Variants in SIX3 observed in about 807,000 individuals in gnomAD.
SIX3 encodes the protein SIX homeobox 3.
A neutral mutation model predicts 21.7 loss-of-function variants in SIX3; 2 were observed. The ratio of observed to expected loss-of-function variants is 0.09; its 90% CI spans 0.04 to 0.29. The LOEUF (loss-of-function observed/expected upper bound fraction) is 0.29, where lower values mean the gene tolerates loss of function less well. Among genes scored for constraint, SIX3 ranks in the 10% least tolerant of loss-of-function variants. The pLI is 1.00. For synonymous variants in SIX3, 243 were observed against 220.6 expected (o/e 1.10, Z -0.90); for missense variants, 347 against 480.7 (o/e 0.72, Z 2.60).
Position 44,944,826 on chromosome 2 carries a change from C to T in SIX3, c.*66C>T. ...CCACTCCTTCCCCTCCGCCTCCTAGCCCTCCTCCTCTTCCTCCTCTTCCTT... is the reference window on the plus strand; with the variant it reads ...CCACTCCTTCCCCTCCGCCTCCTAGTCCTCCTCCTCTTCCTCCTCTTCCTT... On this transcript the variant is annotated 3_prime_UTR_variant, in exon 2 of 2. Transcript: ENST00000260653. 4 of 1,394,678 alleles carry T rather than the reference C, an allele frequency of 2.9e-6. No homozygotes were observed. In the South Asian group the frequency reaches 4.9e-5, roughly 17 times the overall value. The allele number at this position is 1,394,678 out of a possible 1,614,324, so 86.4% of individuals were successfully genotyped here.
In SIX3 at chr2:44,945,031, G is replaced by A. The variant is rs1666663102; in HGVS notation, c.*271G>A. 11 of 553,654 alleles carry A rather than the reference G, an allele frequency of 2.0e-5. No homozygotes were observed. Among genetic ancestry groups the A allele is most frequent in the Non-Finnish European group, 3.2e-5 (10 of 308,410 alleles). 34.3% of individuals were successfully genotyped at this position (553,654 alleles called of 1,614,324 possible). ...CACTACGGCCACCCCAAAGGACCCC[G>A]ACGCCAACAGACAGTCAAACGCTGA... On this transcript the variant is annotated 3_prime_UTR_variant, in exon 2 of 2. Transcript: ENST00000260653.
At chr2:44,943,240 C>T (rs966934242) in intron 1 of SIX3, among the ~76,000 whole-genome samples, 3 of 152,230 alleles carry the variant, frequency 2.0e-5, no homozygotes, top group African/African-American at 7.2e-5. Flanking sequence ...CCTCTGGAGC[C>T]TAGAGACAGG....
In SIX3 at chr2:44,941,952, C is replaced by T. The variant is rs1449647478; in HGVS notation, c.-153C>T. On this transcript the variant is annotated 5_prime_UTR_variant, in exon 1 of 2. Transcript: ENST00000260653. ...GGGTGTGGGTGTCCCTTACGCCCTT[C>T]CTCCTCTCCCTCCTCCTCCTGCTCC... 2 of 657,738 alleles carry T rather than the reference C, an allele frequency of 3.0e-6. No individual in the cohort carries two copies. The highest frequency in any genetic ancestry group is 2.8e-6 in the Non-Finnish European group (1 of 358,172). The allele number at this position is 657,738 out of a possible 1,614,324, so 40.7% of individuals were successfully genotyped here. A position where few individuals can be genotyped will look rare whatever the true frequency, so the allele number is the denominator to read the frequency against.
rs920270639 is a variant in SIX3 at position 44,942,238 on chromosome 2, G to A, written c.134G>A (p.Gly45Glu). 10 of 1,581,650 alleles carry A rather than the reference G, an allele frequency of 6.3e-6. No homozygotes were observed. The highest frequency in any genetic ancestry group is 2.7e-5 in the African/African-American group (2 of 73,708). The change falls in exon 1 of 2, where the codon GGA becomes GAA. Residue 45 changes from glycine to glutamate, a missense_variant. Transcript: ENST00000260653. The surrounding 1 kb of genome is among the most constrained non-coding windows in gnomAD (Gnocchi z 8.4). ...GNGAGGGGGA[G>E]GGSGGGNGAG... is the part of the protein sequence containing the mutation. Reference sequence around the variant, plus strand: ...GGTGCGGGAGGCGGCGGCGGCGCGGGAGGCGGCAGCGGCGGCGGGAACGGT... The same window carrying A: ...GGTGCGGGAGGCGGCGGCGGCGCGGAAGGCGGCAGCGGCGGCGGGAACGGT...
chr2:44,944,458 A>G (rs2103645130), intron 1 of SIX3, 110 bp from the exon 2 acceptor site: 2 of 1,272,998 alleles, frequency 1.6e-6, no homozygotes, highest in East Asian at 2.5e-5. Context: ...GCCAGCCTCT[A>G]TCTGAGAAGA....
At position 44,945,037 on chromosome 2, in the gene SIX3, AACAG is replaced by A. The variant is rs1295282676; in HGVS notation, c.*282_*285del. On this transcript the variant is annotated 3_prime_UTR_variant, in exon 2 of 2. Transcript: ENST00000260653. The stretch of plus-strand genomic sequence containing the variant: ...GGCCACCCCAAAGGACCCCGACGCC[AACAG>A]ACAGTCAAACGCTGATGTTGCGGGC... 62 of 550,562 alleles carry A rather than the reference AACAG, an allele frequency of 1.1e-4. 1 individual carries two copies. Among genetic ancestry groups the A allele is most frequent in the South Asian group, 1.0e-3 (48 of 47,392 alleles). 34.1% of individuals were successfully genotyped at this position (550,562 alleles called of 1,614,324 possible).
rs199795275 is a variant in SIX3 at position 44,944,722 on chromosome 2, C to T, written c.961C>T (p.Leu321Phe). ...GCGCGCAGACACCGGCACCTCCATC[C>T]TCTCGGTAACCTCCAGCGACTCGGA... ...TERADTGTSI[L>F]SVTSSDSECD... The change falls in exon 2 of 2, where the codon CTC (leucine) becomes TTC (phenylalanine). Residue 321 changes from leucine to phenylalanine, a missense_variant. Physicochemically the swap from Leu to Phe is conservative, Grantham distance 22. Coordinates refer to ENST00000260653, the MANE Select transcript of SIX3 (RefSeq NM_005413.4). 1.3e-6 allele frequency: 2 copies of T among 1,589,242 alleles called. No individual in the cohort carries two copies. Among genetic ancestry groups the T allele is most frequent in the Admixed American group, 3.4e-5 (2 of 58,948 alleles).
In SIX3 at chr2:44,944,561, C is replaced by G; in HGVS notation, c.807-7C>G. ...TCAGGGCGGGCGCGGATCTCTTTCTCCCGCAGGCTCCAGCACCAGGCCATT... is the reference window on the plus strand; with the variant it reads ...TCAGGGCGGGCGCGGATCTCTTTCTGCCGCAGGCTCCAGCACCAGGCCATT... On this transcript the variant is annotated splice_region_variant and splice_polypyrimidine_tract_variant and intron_variant, in intron 1 of 1. Coordinates refer to ENST00000260653, the MANE Select transcript of SIX3 (RefSeq NM_005413.4). The G allele has an allele frequency of 6.4e-7, 1 of 1,567,938 alleles. No homozygotes were observed. Among genetic ancestry groups the G allele is most frequent in the Non-Finnish European group, 8.6e-7 (1 of 1,164,036 alleles).
Position 44,945,352 on chromosome 2 carries a change from A to AG in SIX3, c.*592_*593insG, listed in dbSNP as rs1666673310. On this transcript the variant is annotated 3_prime_UTR_variant, in exon 2 of 2. Transcript: ENST00000260653. ...AAAAAAAAAAGGACAGGGGGAAAAA[A>AG]AAAAAAAAAGAACTCCTGGAGAGGG... is the stretch of plus-strand genomic sequence containing the variant. 1 of 150,558 alleles carries AG rather than the reference A, an allele frequency of 6.6e-6. No individual in the cohort carries two copies. Among genetic ancestry groups the AG allele is most frequent in the Admixed American group, 6.6e-5 (1 of 15,168 alleles). The allele number at this position is 150,558 out of a possible 1,614,324, so 9.3% of individuals were successfully genotyped here.
At position 44,944,772 on chromosome 2, in the gene SIX3, G is replaced by T. The variant is rs373738994; in HGVS notation, c.*12G>T. 9 of 1,569,692 alleles carry T rather than the reference G, an allele frequency of 5.7e-6. No homozygotes were observed. In the African/African-American group the frequency reaches 9.5e-5, roughly 17 times the overall value. ...AATGTGATGTATGATAGCCAAGGCC[G>T]CCCTCCTCCCTCTCCTTCCCCTCCT... On this transcript the variant is annotated 3_prime_UTR_variant, in exon 2 of 2. Coordinates refer to ENST00000260653, the MANE Select transcript of SIX3 (RefSeq NM_005413.4).
At position 44,945,000 on chromosome 2, in the gene SIX3, A is replaced by C; in HGVS notation, c.*240A>C. The C allele has an allele frequency of 4.3e-5, 24 of 557,104 alleles. No homozygotes were observed. Among genetic ancestry groups the C allele is most frequent in the East Asian group, 6.2e-5 (2 of 32,200 alleles). The allele number at this position is 557,104 out of a possible 1,614,324, so 34.5% of individuals were successfully genotyped here. A position where few individuals can be genotyped will look rare whatever the true frequency, so the allele number is the denominator to read the frequency against. On this transcript the variant is annotated 3_prime_UTR_variant, in exon 2 of 2. Coordinates refer to ENST00000260653, the MANE Select transcript of SIX3 (RefSeq NM_005413.4). Reference sequence around the variant, plus strand: ...AAACTATCAACAACCCCCAACCACCATCTACCACTACGGCCACCCCAAAGG... The same window carrying C: ...AAACTATCAACAACCCCCAACCACCCTCTACCACTACGGCCACCCCAAAGG...
In SIX3 at chr2:44,942,323, C is replaced by A; in HGVS notation, c.219C>A (p.Pro73=). 6.3e-7 allele frequency: 1 copy of A among 1,593,348 alleles called. No individual in the cohort carries two copies. The highest frequency in any genetic ancestry group is 8.5e-7 in the Non-Finnish European group (1 of 1,177,522). ...GCGGCGGCGGCGGCTCCAGGGCCCC[C>A]CCGGAAGAGTTGTCCATGTTCCAGC... is the stretch of plus-strand genomic sequence containing the variant. The part of the protein sequence containing the change: ...GGGGGGGSRA[P]PEELSMFQLP... Residue 73 remains proline, a synonymous_variant, in exon 1 of 2, where the codon CCC becomes CCA. Transcript: ENST00000260653. This position sits in a 1 kb window ranked among gnomAD's most constrained non-coding sequence, Gnocchi z 8.4.
In SIX3 at chr2:44,944,732, C is replaced by A. The variant is rs909085152; in HGVS notation, c.971C>A (p.Thr324Asn). 1.3e-6 allele frequency: 2 copies of A among 1,588,110 alleles called. No homozygotes were observed. The highest frequency in any genetic ancestry group is 1.7e-6 in the Non-Finnish European group (2 of 1,174,594). ...ADTGTSILSV[T>N]SSDSECDV ...ACCGGCACCTCCATCCTCTCGGTAA[C>A]CTCCAGCGACTCGGAATGTGATGTA... The change falls in exon 2 of 2, where the codon ACC becomes AAC. Residue 324 changes from threonine (T) to asparagine (N), a missense_variant. Coordinates refer to ENST00000260653, the MANE Select transcript of SIX3 (RefSeq NM_005413.4).
At position 44,945,417 on chromosome 2, in the gene SIX3, CT is replaced by C. The variant is rs61475963; in HGVS notation, c.*666del. The C allele has an allele frequency of 0.4, 57,129 of 141,932 alleles. 12,312 individuals are homozygous for C. Among genetic ancestry groups the C allele is most frequent in the African/African-American group, 0.56 (21,921 of 38,992 alleles). The allele number at this position is 141,932 out of a possible 1,614,324, so 8.8% of individuals were successfully genotyped here. A position where few individuals can be genotyped will look rare whatever the true frequency, so the allele number is the denominator to read the frequency against. On this transcript the variant is annotated 3_prime_UTR_variant, in exon 2 of 2. Coordinates refer to ENST00000260653, the MANE Select transcript of SIX3 (RefSeq NM_005413.4). ...TCTTGCCTTTTGTTGCTCTCTCTCT[CT>C]TTTTTTTTCTCTCGCTCTCTTTCTT...
chr2:44,942,890 C>T lies in SIX3; in HGVS notation c.786C>T (p.Arg262=). 1 of 1,598,462 alleles carries T rather than the reference C, an allele frequency of 6.3e-7. No homozygotes were observed. Among genetic ancestry groups the T allele is most frequent in the Non-Finnish European group, 8.5e-7 (1 of 1,179,782 alleles). ...TTAAGAACCGGCGGCAGCGCGACCG[C>T]GCCGCGGCGGCCAAGAACAGGTTAG... is the stretch of plus-strand genomic sequence containing the variant. ...NWFKNRRQRD[R]AAAAKNRLQH... Residue 262 remains arginine, a synonymous_variant, in exon 1 of 2, where the codon CGC becomes CGT. Coordinates refer to ENST00000260653, the MANE Select transcript of SIX3 (RefSeq NM_005413.4). The surrounding 1 kb of genome is among the most constrained non-coding windows in gnomAD (Gnocchi z 8.4).
intron 1 of SIX3, among the ~76,000 whole-genome samples, chr2:44,944,217 G>T (rs887423818): frequency 6.6e-6 from 1 of 152,230 alleles, no homozygotes; most frequent in South Asian, 2.1e-4. Flanking sequence ...CTGGCCGGGC[G>T]GTGGGGAACC....
At position 44,945,089 on chromosome 2, in the gene SIX3, A is replaced by C; in HGVS notation, c.*329A>C. The C allele has an allele frequency of 9.5e-6, 4 of 421,372 alleles. No homozygotes were observed. The highest frequency in any genetic ancestry group is 1.3e-5 in the Non-Finnish European group (3 of 229,210). 26.1% of individuals were successfully genotyped at this position (421,372 alleles called of 1,614,324 possible). A position where few individuals can be genotyped will look rare whatever the true frequency, so the allele number is the denominator to read the frequency against. Reference sequence around the variant, plus strand: ...GGCAGAAAACATAAAAGAGGTGACAATTGTATACTTTCTAGGACAAGCACG... The same window carrying C: ...GGCAGAAAACATAAAAGAGGTGACACTTGTATACTTTCTAGGACAAGCACG... On this transcript the variant is annotated 3_prime_UTR_variant, in exon 2 of 2. Transcript: ENST00000260653.
In SIX3 at chr2:44,941,758, C is replaced by A. The variant is rs1384319641; in HGVS notation, c.-347C>A. On this transcript the variant is annotated 5_prime_UTR_variant, in exon 1 of 2. Coordinates refer to ENST00000260653, the MANE Select transcript of SIX3 (RefSeq NM_005413.4). ...GAGGCTGTTGTCATTAGGGCGATTGCGGTGGAATCGCTGAATCTTGACTCG... is the reference window on the plus strand; with the variant it reads ...GAGGCTGTTGTCATTAGGGCGATTGAGGTGGAATCGCTGAATCTTGACTCG... The A allele has an allele frequency of 6.4e-6, 2 of 310,648 alleles. No individual in the cohort carries two copies. The highest frequency in any genetic ancestry group is 4.3e-5 in the African/African-American group (2 of 46,618). The allele number at this position is 310,648 out of a possible 1,614,324, so 19.2% of individuals were successfully genotyped here.
Position 44,941,805 on chromosome 2 carries a change from C to CCA in SIX3, c.-299_-298insAC, listed in dbSNP as rs1217451049. 8 of 361,318 alleles carry CCA rather than the reference C, an allele frequency of 2.2e-5. No homozygotes were observed. The highest frequency in any genetic ancestry group is 1.5e-4 in the African/African-American group (7 of 46,504). The allele number at this position is 361,318 out of a possible 1,614,324, so 22.4% of individuals were successfully genotyped here. ...CTCGGCGGTGGTTGGCTCTCCCTCT[C>CCA]CTCTCTCCCTCTCCCTCTCCCTCTC... On this transcript the variant is annotated 5_prime_UTR_variant, in exon 1 of 2. Transcript: ENST00000260653.
Sources: allele counts gnomAD v4.1 joint callset (sites outside exome capture counted in the v4.1 genomes callset), GRCh38; gene constraint gnomAD v4.1.1; non-coding constraint Gnocchi (gnomAD v3.1); transcripts MANE v1.5; gene names NCBI Gene and HGNC (gene_info 2026-07-23, HGNC 2026-07-21).